MYO15A: variants seen among roughly 807,000 people sequenced by gnomAD.
MYO15A encodes unconventional myosin-XV.
MYO15A carries 308 observed loss-of-function variants against 394.6 expected under a neutral mutation model. The ratio of observed to expected loss-of-function variants is 0.78; its 90% CI spans 0.71 to 0.86. The LOEUF is 0.86. Ranked by LOEUF, MYO15A falls within the 40% of genes least tolerant of loss-of-function variation. The probability of loss-of-function intolerance (pLI) is 0.00; values close to 1 mark genes in which losing one functional copy is unlikely to be tolerated. For missense variants in MYO15A, 4,606 were observed against 4,799.1 expected (o/e 0.96, Z 1.19); for synonymous variants, 1,957 against 2,003.8 (o/e 0.98, Z 0.62).
In MYO15A at chr17:18,141,695, T is replaced by C. The variant is rs367781432; in HGVS notation, c.5574T>C (p.Asn1858=). ...CCCTCAAGCATGACCTGCCGGCTAA[T>C]GGGGACATGTGTGTGTCAGTGCTGA... is the stretch of plus-strand genomic sequence containing the variant. The part of the protein sequence containing the change: ...LVALKHDLPA[N]GDMCVSVLSR... The change falls in exon 23 of 66, where the codon AAT becomes AAC. Residue 1858 remains asparagine, a synonymous_variant. Transcript: ENST00000647165. 26 of 1,613,980 alleles carry C rather than the reference T, an allele frequency of 1.6e-5. No individual in the cohort carries two copies. The highest frequency in any genetic ancestry group is 1.7e-5 in the Non-Finnish European group (20 of 1,180,010).
At chr17:18,123,280 T>G (rs955934634) in intron 2 of MYO15A, 2 of 152,278 alleles carry the variant, frequency 1.3e-5, no homozygotes, top group Admixed American at 6.5e-5. Context: ...GAGGGGGCCC[T>G]GGCCCCGGCG....
At chr17:18,145,792 T>G in intron 29 of MYO15A, 80 bp from the exon 30 acceptor site, 1 of 1,241,844 alleles carries the variant, frequency 8.1e-7, no homozygotes, top group Non-Finnish European at 1.2e-6. Context: ...GGGAGGGACA[T>G]GAGAGGGATG....
Position 18,158,956 on chromosome 17 carries a change from C to T in MYO15A, c.9115C>T (p.Arg3039Trp), listed in dbSNP as rs770756964. The change falls in exon 53 of 66, where the codon CGG becomes TGG. Residue 3039 changes from arginine to tryptophan, a missense_variant. Physicochemically the swap from Arg to Trp is moderately radical, Grantham distance 101. This residue lies in a region of MYO15A where 2,776 missense variants were observed against 3,109.3 expected (regional missense o/e 0.89). Coordinates refer to ENST00000647165, the MANE Select transcript of MYO15A (RefSeq NM_016239.4). ...DGLRLKSKEP[R>W]ESRTLEDMLC... ...CCTCAGGCTGAAATCCAAGGAGCCT[C>T]GGGAGTCCAGAACCTTGGAGGACAT... is the stretch of plus-strand genomic sequence containing the variant. 2.7e-5 allele frequency: 43 copies of T among 1,614,110 alleles called. No individual in the cohort carries two copies. In the Admixed American group the frequency reaches 3.0e-4, roughly 11 times the overall value.
intron 1 of MYO15A, among the ~76,000 whole-genome samples, chr17:18,116,919 CAA>C (rs772914615): frequency 8.0e-5 from 7 of 87,038 alleles, no homozygotes; most frequent in Admixed American, 1.3e-4. Flanking sequence ...GACTCTGTCT[CAA>C]AAAAAAAAAA....
chr17:18,136,668 G>T lies in MYO15A; in HGVS notation c.4761G>T (p.Leu1587=). The change falls in exon 15 of 66, where the codon CTG becomes CTT. Residue 1587 remains leucine, a synonymous_variant. Transcript: ENST00000647165. The stretch of plus-strand genomic sequence containing the variant: ...AGGACACACTGTCCATCGCCATCCT[G>T]GACATCTATGGTTTCGAGGTGGGGC... ...PRQDTLSIAI[L]DIYGFEDLSF... is the part of the protein sequence containing the mutation. The T allele has an allele frequency of 6.2e-7, 1 of 1,609,634 alleles. No homozygotes were observed.
chr17:18,154,139 C>T lies in MYO15A; in HGVS notation c.8097C>T (p.Tyr2699=). 2 of 1,614,032 alleles carry T rather than the reference C, an allele frequency of 1.2e-6. No individual in the cohort carries two copies. Among genetic ancestry groups the T allele is most frequent in the Non-Finnish European group, 1.7e-6 (2 of 1,180,020 alleles). Residue 2699 remains tyrosine (Y), a synonymous_variant, in exon 44 of 66, where the codon TAC becomes TAT. Coordinates refer to ENST00000647165, the MANE Select transcript of MYO15A (RefSeq NM_016239.4). ...WKIFLRKEVF[Y]PKDSYSHPVQ... Reference sequence around the variant, plus strand: ...AAGCCCCGCCCCTGCAGGTGTTTTACCCCAAGGACAGCTACAGCCATCCTG... The same window carrying T: ...AAGCCCCGCCCCTGCAGGTGTTTTATCCCAAGGACAGCTACAGCCATCCTG...
At chr17:18,171,804 G>C (rs1349692692) in intron 63 of MYO15A, 33 bp downstream of exon 63, 1 of 1,597,720 alleles carries the variant, frequency 6.3e-7, no homozygotes, top group East Asian at 2.2e-5. Flanking sequence ...GGTGATCATA[G>C]GGGGCTTTGC....
intron 12 of MYO15A, among the ~76,000 whole-genome samples, chr17:18,134,202 A>T (rs572368220): frequency 6.6e-6 from 1 of 151,038 alleles, no homozygotes; most frequent in Non-Finnish European, 1.5e-5. Context: ...GTTGGCCAGG[A>T]TGGTCTCGCT....
Position 18,172,220 on chromosome 17 carries a change from T to C in MYO15A, c.10280T>C (p.Ile3427Thr). 2 of 1,614,226 alleles carry C rather than the reference T, an allele frequency of 1.2e-6. No individual in the cohort carries two copies. The highest frequency in any genetic ancestry group is 1.7e-6 in the Non-Finnish European group (2 of 1,180,040). Residue 3427 changes from isoleucine (I) to threonine (T), a missense_variant, in exon 64 of 66, where the codon ATT (isoleucine) becomes ACT (threonine). Coordinates refer to ENST00000647165, the MANE Select transcript of MYO15A (RefSeq NM_016239.4). ...TTCTTCATCCAGAGCTGCAGCAACA[T>C]TGCTGTGCCAGCCCCTTGCATCCTT... ...SFFFIQSCSN[I>T]AVPAPCILAI...
chr17:18,140,922 C>T, intron 21 of MYO15A, 90 bp downstream of exon 21: 2 of 1,612,062 alleles, frequency 1.2e-6, no homozygotes, highest in Non-Finnish European at 1.7e-6. Context: ...TCAGGACCTG[C>T]ATCTGCCCAG....
At chr17:18,116,995 C>T (rs2045798237) in intron 1 of MYO15A, among the ~76,000 whole-genome samples, 1 of 152,064 alleles carries the variant, frequency 6.6e-6, no homozygotes, top group Non-Finnish European at 1.5e-5. Context: ...GAGCCACTGC[C>T]CAAAAACAGA....
intron 65 of MYO15A, among the ~76,000 whole-genome samples, chr17:18,175,721 C>T (rs1449730663): frequency 1.3e-5 from 2 of 152,196 alleles, no homozygotes; most frequent in Non-Finnish European, 2.9e-5. Flanking sequence ...CCCAGACTAC[C>T]TGAGCTCCAG....
In MYO15A at chr17:18,143,459, C is replaced by A. The variant is rs558079762; in HGVS notation, c.5911-107C>A. The stretch of plus-strand genomic sequence containing the variant: ...CACCTCCACACAACAGGCAAGCTGC[C>A]CCCCTTGCTTGAGTGTGGCCGCCTT... On this transcript the variant is annotated intron_variant, in intron 25 of 65. Transcript: ENST00000647165. 245 of 1,286,010 alleles carry A rather than the reference C, an allele frequency of 1.9e-4. 1 individual carries two copies. The South Asian group carries it at 3.0e-3, about 16-fold the overall frequency. 79.7% of individuals were successfully genotyped at this position (1,286,010 alleles called of 1,614,324 possible). A position where few individuals can be genotyped will look rare whatever the true frequency, so the allele number is the denominator to read the frequency against.
chr17:18,133,830 G>A (rs2046214676), intron 12 of MYO15A, among the ~76,000 whole-genome samples: 1 of 152,010 alleles, frequency 6.6e-6, no homozygotes. Flanking sequence ...ACTAATTTTT[G>A]TATTTTTAGT....
At chr17:18,156,453 G>C (rs568145372) in intron 48 of MYO15A, 117 bp downstream of exon 48, 1 of 1,208,282 alleles carries the variant, frequency 8.3e-7, no homozygotes, top group Non-Finnish European at 1.2e-6. Flanking sequence ...TAAGGCCTTT[G>C]CACTGGCTGT....
rs760341119 is a variant in MYO15A at position 18,153,922 on chromosome 17, G to C, written c.8088+26G>C. 33 of 1,613,264 alleles carry C rather than the reference G, an allele frequency of 2.0e-5. No homozygotes were observed. Among genetic ancestry groups the C allele is most frequent in the South Asian group, 1.1e-5 (1 of 91,068 alleles). On this transcript the variant is annotated intron_variant, in intron 43 of 65. Coordinates refer to ENST00000647165, the MANE Select transcript of MYO15A (RefSeq NM_016239.4). The surrounding 1 kb of genome is among the most constrained non-coding windows in gnomAD (Gnocchi z 4.1). The stretch of plus-strand genomic sequence containing the variant: ...GTGCCGAGCACAGCCGTAGCCAGGG[G>C]AGGGGCTGAAGCGGGGCAGGGGAGG...
In MYO15A at chr17:18,153,928, C is replaced by T; in HGVS notation, c.8088+32C>T. 1 of 1,612,976 alleles carries T rather than the reference C, an allele frequency of 6.2e-7. No individual in the cohort carries two copies. The highest frequency in any genetic ancestry group is 8.5e-7 in the Non-Finnish European group (1 of 1,179,744). On this transcript the variant is annotated intron_variant, in intron 43 of 65. Transcript: ENST00000647165. This position sits in a 1 kb window ranked among gnomAD's most constrained non-coding sequence, Gnocchi z 4.1. ...AGCACAGCCGTAGCCAGGGGAGGGGCTGAAGCGGGGCAGGGGAGGGGCTGA... is the reference window on the plus strand; with the variant it reads ...AGCACAGCCGTAGCCAGGGGAGGGGTTGAAGCGGGGCAGGGGAGGGGCTGA...
chr17:18,141,577 G>T (rs1045955376), intron 22 of MYO15A, 76 bp from the exon 23 acceptor site: 1 of 1,388,620 alleles, frequency 7.2e-7, no homozygotes, highest in Non-Finnish European at 1.0e-6. Flanking sequence ...ACCTGGCTGG[G>T]GGCAGTAACC....
chr17:18,176,137 T>C (rs1333234246), intron 65 of MYO15A, among the ~76,000 whole-genome samples: 1 of 152,230 alleles, frequency 6.6e-6, no homozygotes, highest in Non-Finnish European at 1.5e-5. Flanking sequence ...TAGTTATTTG[T>C]TTATGTATTG....
Sources: gnomAD v4.1 joint callset for allele counts (sites outside exome capture counted in the v4.1 genomes callset) on GRCh38, gnomAD v4.1.1 for gene constraint, gnomAD v4.1.1 regional missense constraint, Gnocchi (gnomAD v3.1) non-coding constraint, MANE v1.5 for transcripts, NCBI Gene and HGNC (gene_info 2026-07-23, HGNC 2026-07-21) for gene names.